The following CCDC138 variants were observed in gnomAD, a reference collection of about 807,000 sequenced individuals.
The protein encoded by CCDC138 is coiled-coil domain containing 138, also known as coiled-coil domain-containing protein 138.
CCDC138 carries 66 observed loss-of-function variants against 82.3 expected under a neutral mutation model. The ratio of observed to expected loss-of-function variants is 0.80; its 90% CI spans 0.66 to 0.98. CCDC138 has a LOEUF of 0.98. Among genes scored for constraint, CCDC138 ranks in the 50% least tolerant of loss-of-function variants. CCDC138 has a pLI of 0.00. For missense variants in CCDC138, 816 were observed against 758.9 expected (o/e 1.08, Z -0.88); for synonymous variants, 297 against 265.4 (o/e 1.12, Z -1.16).
intron 13 of CCDC138, 92 bp from the exon 14 acceptor site, chr2:108,873,359 A>G: frequency 1.8e-6 from 2 of 1,121,432 alleles, no homozygotes; most frequent in Non-Finnish European, 2.4e-6. Flanking sequence ...ATGAATATTT[A>G]TAAATGCCTC....
In CCDC138 at chr2:108,871,064, G is replaced by A. The variant is rs1007602823; in HGVS notation, c.1694-2387G>A. The stretch of plus-strand genomic sequence containing the variant: ...TTATTTAGAAATAGCCGTCATTAAT[G>A]TTAGGTGAACATTATTTTAGACACG... On this transcript the variant is annotated intron_variant, in intron 13 of 14. Coordinates refer to ENST00000295124, the MANE Select transcript of CCDC138 (RefSeq NM_144978.3). 5.9e-5 allele frequency among the ~76,000 whole-genome samples: 9 copies of A among 152,110 alleles called. No homozygotes were observed. In the East Asian group the frequency reaches 1.3e-3, roughly 23 times the overall value.
intron 11 of CCDC138, among the ~76,000 whole-genome samples, chr2:108,843,844 T>TTGTGTGTGTGTGTGTGTGTGTG (rs71383805): frequency 2.2e-4 from 5 of 22,802 alleles, no homozygotes; most frequent in East Asian, 2.3e-3. Flanking sequence ...AGTTCATGTT[T>TTGTGTGTGTGTGTGTGTGTGTG]TGTGTGTGTG....
chr2:108,822,871 G>A (rs1219620243), intron 10 of CCDC138, among the ~76,000 whole-genome samples: 1 of 152,166 alleles, frequency 6.6e-6, no homozygotes, highest in Admixed American at 6.5e-5. Context: ...CTGTGATTTG[G>A]TTCTTTGAAA....
At chr2:108,875,316 TAA>T (rs199749507) in intron 14 of CCDC138, among the ~76,000 whole-genome samples, 917 of 22,692 alleles carry the variant, frequency 0.04, 17 homozygotes, top group African/African-American at 0.11. Flanking sequence ...ACTTAAAGTA[TAA>T]TAAAAAAAAA....
intron 12 of CCDC138, among the ~76,000 whole-genome samples, chr2:108,854,654 A>G (rs957179733): frequency 6.6e-6 from 1 of 152,028 alleles, no homozygotes; most frequent in Non-Finnish European, 1.5e-5. Context: ...CCAGCTCACA[A>G]TTCTTTGGGT....
At chr2:108,797,599 G>A (rs909300373) in intron 5 of CCDC138, among the ~76,000 whole-genome samples, 5 of 152,074 alleles carry the variant, frequency 3.3e-5, no homozygotes, top group African/African-American at 1.2e-4. Flanking sequence ...AAATAATAGA[G>A]GGATAATCAG....
intron 10 of CCDC138, among the ~76,000 whole-genome samples, chr2:108,816,321 C>T (rs528723786): frequency 3.9e-5 from 6 of 151,958 alleles, no homozygotes; most frequent in Non-Finnish European, 5.9e-5. Context: ...CATTTTGGCA[C>T]GTGCCTGTAA....
At chr2:108,831,460 G>A (rs975725931) in intron 10 of CCDC138, among the ~76,000 whole-genome samples, 1 of 152,072 alleles carries the variant, frequency 6.6e-6, no homozygotes, top group Non-Finnish European at 1.5e-5. Flanking sequence ...AAATACTGTC[G>A]GAAGAGGCTT....
intron 10 of CCDC138, among the ~76,000 whole-genome samples, chr2:108,837,285 G>A (rs1212385845): frequency 6.6e-6 from 1 of 152,114 alleles, no homozygotes; most frequent in Non-Finnish European, 1.5e-5. Context: ...TTTGTCAATT[G>A]AAATAATCGT....
intron 10 of CCDC138, among the ~76,000 whole-genome samples, chr2:108,833,784 G>C (rs577587698): frequency 6.9e-6 from 1 of 144,460 alleles, no homozygotes; most frequent in East Asian, 2.0e-4. Context: ...CTGGAGTGCA[G>C]TGGCGTGATC....
At chr2:108,812,132 C>T (rs1401927124) in intron 7 of CCDC138, among the ~76,000 whole-genome samples, 2 of 151,944 alleles carry the variant, frequency 1.3e-5, no homozygotes, top group Non-Finnish European at 2.9e-5. Context: ...AAAATAAAAC[C>T]TAAATAAATT....
chr2:108,801,976 C>A (rs1681991169), intron 6 of CCDC138, among the ~76,000 whole-genome samples: 1 of 94,854 alleles, frequency 1.1e-5, no homozygotes, highest in Non-Finnish European at 2.2e-5. Context: ...CTGTTCTGTT[C>A]CATTGATCTA....
downstream of CCDC138, among the ~76,000 whole-genome samples, chr2:108,877,423 G>A (rs545022495): frequency 1.3e-5 from 2 of 152,200 alleles, no homozygotes; most frequent in East Asian, 1.9e-4. Flanking sequence ...CCAAGATCAC[G>A]CCATTGCACT....
chr2:108,853,791 A>G (rs1247843118), intron 12 of CCDC138, among the ~76,000 whole-genome samples: 2 of 142,794 alleles, frequency 1.4e-5, no homozygotes, highest in Non-Finnish European at 3.0e-5. Context: ...CCCTCAAAGC[A>G]GTGGAGTTAC....
chr2:108,802,818 T>C (rs955588251), intron 6 of CCDC138, among the ~76,000 whole-genome samples: 13 of 152,164 alleles, frequency 8.5e-5, no homozygotes, highest in Non-Finnish European at 1.9e-4. Flanking sequence ...ATACCTAATT[T>C]ATTGAGAGTT....
chr2:108,852,314 T>C (rs181972443), intron 12 of CCDC138, among the ~76,000 whole-genome samples: 2 of 152,194 alleles, frequency 1.3e-5, no homozygotes, highest in East Asian at 3.8e-4. Flanking sequence ...GGAGTGTAAA[T>C]TAGTTCAGCC....
intron 13 of CCDC138, among the ~76,000 whole-genome samples, chr2:108,868,249 A>C (rs1277127753): frequency 6.6e-6 from 1 of 152,198 alleles, no homozygotes. Context: ...GTCAGATATC[A>C]TATTAGTATA....
intron 10 of CCDC138, among the ~76,000 whole-genome samples, chr2:108,836,984 A>G (rs1246501482): frequency 6.6e-6 from 1 of 151,964 alleles, no homozygotes; most frequent in East Asian, 1.9e-4. Flanking sequence ...CTTTCGACAT[A>G]TAAGGTCATG....
intron 13 of CCDC138, among the ~76,000 whole-genome samples, chr2:108,858,502 T>A (rs1241590291): frequency 6.6e-6 from 1 of 152,196 alleles, no homozygotes; most frequent in Non-Finnish European, 1.5e-5. Context: ...TTTGATGATG[T>A]CTGACTGAAG....
Sources: allele counts gnomAD v4.1 joint callset (sites outside exome capture counted in the v4.1 genomes callset), GRCh38; gene constraint gnomAD v4.1.1; transcripts MANE v1.5; gene names NCBI Gene and HGNC (gene_info 2026-07-23, HGNC 2026-07-21).